ACBD6: variants seen among roughly 807,000 people sequenced by gnomAD.
ACBD6 encodes the protein acyl-CoA-binding domain-containing protein 6.
A neutral mutation model predicts 37.2 loss-of-function variants in ACBD6; 28 were observed. The ratio of observed to expected loss-of-function variants is 0.75; its 90% CI spans 0.56 to 1.03. ACBD6 has a LOEUF of 1.03. Ranked by LOEUF, ACBD6 falls within the 50% of genes least tolerant of loss-of-function variation. The probability of loss-of-function intolerance (pLI) is 0.00; values close to 1 mark genes in which losing one functional copy is unlikely to be tolerated. For synonymous variants in ACBD6, 113 were observed against 126.8 expected, an observed-to-expected ratio of 0.89 and a Z score of 0.73; for missense variants, 340 against 337.4, an observed-to-expected ratio of 1.01 and a Z score of -0.06.
At chr1:180,356,357 A>G (rs187872523) in intron 6 of ACBD6, among the ~76,000 whole-genome samples, 1 of 151,732 alleles carries the variant, frequency 6.6e-6, no homozygotes, top group Admixed American at 6.6e-5. Flanking sequence ...CTTTTTGTAG[A>G]GATGGGGTTT....
intron 7 of ACBD6, among the ~76,000 whole-genome samples, chr1:180,301,499 T>C (rs1194999081): frequency 2.0e-5 from 3 of 152,232 alleles, no homozygotes; most frequent in Non-Finnish European, 4.4e-5. Context: ...ACTGTATTTA[T>C]TGATGCTGTA....
rs374163390 is a variant in ACBD6 at position 180,353,474 on chromosome 1, A to C, written c.664-38752T>G. On this transcript the variant is annotated intron_variant, in intron 6 of 7. Transcript: ENST00000367595. ...GAACATCTATCCAATCAGTTCAATA[A>C]TAATTTCCAAATGTACTTAATGGCC... Among the ~76,000 whole-genome samples, 10 of 152,302 alleles carry C rather than the reference A, an allele frequency of 6.6e-5. No individual in the cohort carries two copies. In the East Asian group the frequency reaches 1.3e-3, roughly 21 times the overall value.
At chr1:180,366,939 C>T (rs1653076157) in intron 6 of ACBD6, among the ~76,000 whole-genome samples, 1 of 152,112 alleles carries the variant, frequency 6.6e-6, no homozygotes, top group South Asian at 2.1e-4. Context: ...GTGAAAATAC[C>T]AGGGGGCTGT....
chr1:180,434,050 A>T (rs1477176875), intron 3 of ACBD6, among the ~76,000 whole-genome samples: 1 of 152,148 alleles, frequency 6.6e-6, no homozygotes, highest in African/African-American at 2.4e-5. Flanking sequence ...TCTAAGCCCT[A>T]CAACCATCTG....
intron 3 of ACBD6, among the ~76,000 whole-genome samples, chr1:180,488,478 AT>A (rs1034598144): frequency 4.6e-5 from 7 of 152,182 alleles, no homozygotes; most frequent in African/African-American, 1.7e-4. Flanking sequence ...TTATAGATAT[AT>A]TTCCAATATC....
intron 6 of ACBD6, among the ~76,000 whole-genome samples, chr1:180,341,251 G>A (rs1235738678): frequency 6.6e-6 from 1 of 152,064 alleles, no homozygotes; most frequent in Non-Finnish European, 1.5e-5. Flanking sequence ...ATGGCTACAA[G>A]TATAGTATAC....
intron 7 of ACBD6, among the ~76,000 whole-genome samples, chr1:180,292,172 T>C (rs1649734146): frequency 1.3e-5 from 2 of 152,180 alleles, no homozygotes; most frequent in Non-Finnish European, 2.9e-5. Context: ...TGCTTTTCCA[T>C]ATAAATTTTA....
chr1:180,411,387 T>G (rs1408238045), intron 5 of ACBD6, among the ~76,000 whole-genome samples: 1 of 152,196 alleles, frequency 6.6e-6, no homozygotes, highest in Non-Finnish European at 1.5e-5. Flanking sequence ...AGTAATCTTT[T>G]ACGAAGGAAG....
intron 3 of ACBD6, among the ~76,000 whole-genome samples, chr1:180,479,443 T>G (rs892985455): frequency 2.0e-5 from 3 of 152,006 alleles, no homozygotes; most frequent in Non-Finnish European, 4.4e-5. Context: ...CTAAAAAATT[T>G]GATCACATGG....
At chr1:180,429,478 A>G (rs1465245038) in intron 4 of ACBD6, among the ~76,000 whole-genome samples, 2 of 152,194 alleles carry the variant, frequency 1.3e-5, no homozygotes, top group Non-Finnish European at 1.5e-5. Context: ...CATTGTATAT[A>G]CCACATTTTG....
intron 6 of ACBD6, among the ~76,000 whole-genome samples, chr1:180,329,784 C>T (rs1359140083): frequency 2.0e-5 from 3 of 152,226 alleles, no homozygotes; most frequent in East Asian, 1.9e-4. Flanking sequence ...GTGCACACTT[C>T]GCCTTCTTGC....
intron 3 of ACBD6, among the ~76,000 whole-genome samples, chr1:180,470,593 G>A (rs573253514): frequency 1.3e-5 from 2 of 152,208 alleles, no homozygotes; most frequent in African/African-American, 4.8e-5. Flanking sequence ...CTTAAACTAC[G>A]GTATATATTA....
intron 3 of ACBD6, among the ~76,000 whole-genome samples, chr1:180,460,861 G>A (rs923067636): frequency 3.3e-5 from 5 of 152,156 alleles, no homozygotes; most frequent in Admixed American, 1.3e-4. Context: ...TGACAACATC[G>A]CTGCTCCAGC....
chr1:180,462,022 G>T (rs1163968213), intron 3 of ACBD6, among the ~76,000 whole-genome samples: 1 of 152,116 alleles, frequency 6.6e-6, no homozygotes, highest in Non-Finnish European at 1.5e-5. Context: ...GATCACTTGA[G>T]GTCAGGAATT....
chr1:180,275,540 A>G (rs984766769), intron 9 of ACBD6: 4 of 152,218 alleles, frequency 2.6e-5, no homozygotes, highest in Admixed American at 6.5e-5. Context: ...CATCCCTTGT[A>G]GGGTGAAATA....
intron 7 of ACBD6, among the ~76,000 whole-genome samples, chr1:180,300,794 T>C (rs1006812748): frequency 4.6e-5 from 7 of 152,190 alleles, no homozygotes; most frequent in African/African-American, 1.2e-4. Context: ...GACAGAAATA[T>C]TGATATACAT....
At chr1:180,420,963 T>C (rs914866277) in intron 4 of ACBD6, among the ~76,000 whole-genome samples, 1 of 152,176 alleles carries the variant, frequency 6.6e-6, no homozygotes, top group African/African-American at 2.4e-5. Flanking sequence ...ATATGGCATT[T>C]CTGTCTACAT....
intron 3 of ACBD6, chr1:180,435,744 A>G: frequency 2.4e-6 from 2 of 841,990 alleles, no homozygotes; most frequent in Non-Finnish European, 4.2e-6. Context: ...AGTAACACGC[A>G]CTTCAGAATA....
chr1:180,367,270 G>T (rs548869552), intron 6 of ACBD6, among the ~76,000 whole-genome samples: 1 of 152,240 alleles, frequency 6.6e-6, no homozygotes, highest in East Asian at 1.9e-4. Context: ...GAATAAATTT[G>T]TTTCATTAGT....
Sources: allele counts gnomAD v4.1 joint callset (sites outside exome capture counted in the v4.1 genomes callset), GRCh38; gene constraint gnomAD v4.1.1; transcripts MANE v1.5; gene names NCBI Gene and HGNC (gene_info 2026-07-23, HGNC 2026-07-21).